Variants in SEC24D observed in about 807,000 individuals in gnomAD.
The protein encoded by SEC24D is protein transport protein Sec24D.
A neutral mutation model predicts 116.9 loss-of-function variants in SEC24D; 69 were observed. That is an observed-to-expected ratio of 0.59 (90% CI 0.49 to 0.72). The LOEUF (loss-of-function observed/expected upper bound fraction) is 0.72. Among genes scored for constraint, SEC24D ranks in the 30% least tolerant of loss-of-function variants. SEC24D has a pLI of 0.00. For synonymous variants in SEC24D, 405 were observed against 442.8 expected (o/e 0.91, Z 1.07); for missense variants, 1,131 against 1,264.1 (o/e 0.89, Z 1.60).
intron 7 of SEC24D, among the ~76,000 whole-genome samples, chr4:118,804,485 T>C (rs1246198295): frequency 6.6e-6 from 1 of 151,890 alleles, no homozygotes; most frequent in South Asian, 2.1e-4. Context: ...TATTGTTTTA[T>C]ATTTATTTTA....
chr4:118,743,490 A>T (rs1245294655), intron 15 of SEC24D, among the ~76,000 whole-genome samples: 1 of 152,078 alleles, frequency 6.6e-6, no homozygotes, highest in Non-Finnish European at 1.5e-5. Context: ...TATAACCTAC[A>T]CACATTTTAC....
chr4:118,741,896 T>G (rs1245412506), intron 15 of SEC24D, among the ~76,000 whole-genome samples: 1 of 152,316 alleles, frequency 6.6e-6, no homozygotes, highest in Admixed American at 6.5e-5. Flanking sequence ...TTTGTATTGT[T>G]GAAGATAAGA....
intron 8 of SEC24D, among the ~76,000 whole-genome samples, chr4:118,788,584 C>T (rs1728753353): frequency 6.6e-6 from 1 of 152,210 alleles, no homozygotes; most frequent in African/African-American, 2.4e-5. Context: ...TGAGTTAATT[C>T]TCCCACAGTG....
intron 8 of SEC24D, among the ~76,000 whole-genome samples, chr4:118,788,151 A>T (rs956799186): frequency 6.6e-6 from 1 of 151,952 alleles, no homozygotes; most frequent in Non-Finnish European, 1.5e-5. Context: ...AATATAATAC[A>T]CTCCAGACTT....
chr4:118,791,588 T>C (rs1728899350), intron 8 of SEC24D, among the ~76,000 whole-genome samples: 1 of 152,162 alleles, frequency 6.6e-6, no homozygotes, highest in South Asian at 2.1e-4. Flanking sequence ...GAGACTGGAC[T>C]GTACTGCCGC....
intron 22 of SEC24D, among the ~76,000 whole-genome samples, chr4:118,728,310 T>C (rs1196153828): frequency 6.6e-6 from 1 of 152,206 alleles, no homozygotes; most frequent in Non-Finnish European, 1.5e-5. Flanking sequence ...TGCTATTAAA[T>C]CATGAAGTTA....
rs926021440 is a variant in SEC24D at position 118,738,172 on chromosome 4, G to A, written c.2496+89C>T. 14 of 866,200 alleles carry A rather than the reference G, an allele frequency of 1.6e-5. No homozygotes were observed. The South Asian group carries it at 1.9e-4, about 12-fold the overall frequency. 53.7% of individuals were successfully genotyped at this position (866,200 alleles called of 1,614,324 possible). A position where few individuals can be genotyped will look rare whatever the true frequency, so the allele number is the denominator to read the frequency against. ...TTACTGTAACAGCATCTAAGTGCCT[G>A]CAACATCATAAGCCTTCTATAGCTA... On this transcript the variant is annotated intron_variant, in intron 19 of 22. Coordinates refer to ENST00000280551, the MANE Select transcript of SEC24D (RefSeq NM_014822.4).
chr4:118,793,181 G>A (rs1052909449), intron 8 of SEC24D, among the ~76,000 whole-genome samples: 3 of 152,146 alleles, frequency 2.0e-5, no homozygotes, highest in Non-Finnish European at 2.9e-5. Flanking sequence ...CTGTCAAGAA[G>A]GCCCGGCCGG....
rs1321818002 is a variant in SEC24D at position 118,722,895 on chromosome 4, A to G, written c.*620T>C. ...TACAGGTAGAAACTTTCAAAATTGTACAAAGAACCATTAAGCATATTGATA... is the reference window on the plus strand; with the variant it reads ...TACAGGTAGAAACTTTCAAAATTGTGCAAAGAACCATTAAGCATATTGATA... On this transcript the variant is annotated 3_prime_UTR_variant, in exon 23 of 23. Transcript: ENST00000280551. 1 of 152,652 alleles carries G rather than the reference A, an allele frequency of 6.6e-6. No individual in the cohort carries two copies. Among genetic ancestry groups the G allele is most frequent in the Middle Eastern group, 3.2e-3 (1 of 316 alleles). 9.5% of individuals were successfully genotyped at this position (152,652 alleles called of 1,614,324 possible). A position where few individuals can be genotyped will look rare whatever the true frequency, so the allele number is the denominator to read the frequency against.
chr4:118,733,227 C>A (rs1725786308), intron 19 of SEC24D: 2 of 192,440 alleles, frequency 1.0e-5, no homozygotes, highest in Non-Finnish European at 1.0e-5. Context: ...AATTACTTAC[C>A]CTGTCTTTTT....
chr4:118,797,388 T>C (rs571329811), intron 8 of SEC24D, among the ~76,000 whole-genome samples: 1 of 152,334 alleles, frequency 6.6e-6, no homozygotes, highest in Non-Finnish European at 1.5e-5. Context: ...ATCAGGGCCT[T>C]GTGACAAGTC....
chr4:118,832,385 G>A (rs114094671), intron 2 of SEC24D, among the ~76,000 whole-genome samples: 6,659 of 152,252 alleles, frequency 0.044, 203 homozygotes, highest in Non-Finnish European at 0.064. Flanking sequence ...GTCCTGGTGA[G>A]GGAAGTGAAA....
chr4:118,755,047 C>G (rs768033982), intron 11 of SEC24D, among the ~76,000 whole-genome samples: 89 of 152,070 alleles, frequency 5.9e-4, no homozygotes, highest in Non-Finnish European at 1.1e-3. Flanking sequence ...CACTTAAGAT[C>G]TAAATTAACA....
At chr4:118,749,637 C>G (rs553580815) in intron 13 of SEC24D, among the ~76,000 whole-genome samples, 1 of 152,240 alleles carries the variant, frequency 6.6e-6, no homozygotes, top group Non-Finnish European at 1.5e-5. Flanking sequence ...CCTGGGCTTT[C>G]TAAAGTTACT....
intron 8 of SEC24D, among the ~76,000 whole-genome samples, chr4:118,783,856 GA>G (rs1299934161): frequency 2.0e-4 from 30 of 152,132 alleles, no homozygotes; most frequent in Admixed American, 1.8e-3. Flanking sequence ...TTTCAGAGTG[GA>G]AAAAAATATA....
intron 8 of SEC24D, among the ~76,000 whole-genome samples, chr4:118,785,612 C>A (rs926275979): frequency 1.3e-5 from 2 of 152,048 alleles, no homozygotes; most frequent in Admixed American, 6.6e-5. Context: ...AAAATAAAGT[C>A]TATACAAATG....
chr4:118,744,228 T>A, intron 14 of SEC24D, 70 bp from the exon 15 acceptor site: 1 of 1,323,578 alleles, frequency 7.6e-7, no homozygotes, highest in South Asian at 1.6e-5. Flanking sequence ...ATTTTAAATT[T>A]CTATTGAATT....
chr4:118,759,838 CTCA>C (rs773372241), intron 10 of SEC24D, among the ~76,000 whole-genome samples: 1 of 152,200 alleles, frequency 6.6e-6, no homozygotes, highest in Non-Finnish European at 1.5e-5. Flanking sequence ...CAAATTCTTT[CTCA>C]TCATGATTCC....
intron 10 of SEC24D, chr4:118,760,529 G>T: frequency 6.6e-6 from 1 of 152,066 alleles, no homozygotes; most frequent in East Asian, 1.9e-4. Flanking sequence ...TCCATTGTAC[G>T]TATATACCAC....
Sources: gnomAD v4.1 joint callset for allele counts (sites outside exome capture counted in the v4.1 genomes callset) on GRCh38, gnomAD v4.1.1 for gene constraint, MANE v1.5 for transcripts, NCBI Gene and HGNC (gene_info 2026-07-23, HGNC 2026-07-21) for gene names.